Variants in GRIA4 observed in about 807,000 individuals in gnomAD.
GRIA4 encodes glutamate receptor 4.
A neutral mutation model predicts 104.0 loss-of-function variants in GRIA4; 34 were observed. That is an observed-to-expected ratio of 0.33 (90% CI 0.25 to 0.44). The LOEUF is 0.44. GRIA4 is among the 20% of genes least tolerant of loss of function. The pLI is 1.00. For missense variants in GRIA4, 750 were observed against 1,096.5 expected, an observed-to-expected ratio of 0.68 and a Z score of 4.46; for synonymous variants, 386 against 381.9, an observed-to-expected ratio of 1.01 and a Z score of -0.13.
At chr11:105,947,913 T>C (rs1948356550) in intron 14 of GRIA4, among the ~76,000 whole-genome samples, 1 of 152,198 alleles carries the variant, frequency 6.6e-6, no homozygotes, top group Non-Finnish European at 1.5e-5. Context: ...AGCAGCTTTG[T>C]ATCTTCACTT....
At chr11:105,788,302 T>C (rs1027580474) in intron 4 of GRIA4, among the ~76,000 whole-genome samples, 2 of 152,170 alleles carry the variant, frequency 1.3e-5, no homozygotes, top group African/African-American at 4.8e-5. Context: ...TTGGTGGAAA[T>C]GTAAATTAGT....
At chr11:105,632,208 T>C (rs552180190) in intron 3 of GRIA4, among the ~76,000 whole-genome samples, 1 of 152,150 alleles carries the variant, frequency 6.6e-6, no homozygotes, top group African/African-American at 2.4e-5. Context: ...GAAAGTGAAA[T>C]GGACTGAATT....
intron 3 of GRIA4, among the ~76,000 whole-genome samples, chr11:105,724,668 A>G (rs1257715232): frequency 6.6e-6 from 1 of 152,108 alleles, no homozygotes; most frequent in Non-Finnish European, 1.5e-5. Flanking sequence ...GGTGATAAGA[A>G]ATTACTTAAT....
chr11:105,895,634 A>G (rs2847180), intron 6 of GRIA4, among the ~76,000 whole-genome samples: 139,107 of 139,736 alleles, frequency 1, 69,242 homozygotes, highest in Middle Eastern at 1. Context: ...AGGGAGGGAG[A>G]GAGAGAGAGA....
chr11:105,964,768 C>CA (rs1948819577), intron 14 of GRIA4, among the ~76,000 whole-genome samples: 1 of 149,384 alleles, frequency 6.7e-6, no homozygotes, highest in African/African-American at 2.5e-5. Flanking sequence ...GTATGGGAGG[C>CA]AGAAGCCCAT....
At chr11:105,742,592 G>GTA (rs763334090) in intron 3 of GRIA4, among the ~76,000 whole-genome samples, 70 of 131,050 alleles carry the variant, frequency 5.3e-4, no homozygotes, top group African/African-American at 6.6e-4. Flanking sequence ...ACAAGTGTGA[G>GTA]TATATATATA....
chr11:105,791,355 T>C (rs1321577368), intron 4 of GRIA4, among the ~76,000 whole-genome samples: 1 of 152,242 alleles, frequency 6.6e-6, no homozygotes, highest in Non-Finnish European at 1.5e-5. Context: ...AAGTGTATTT[T>C]GTTGGTTGGT....
At chr11:105,795,997 T>C (rs1004392272) in intron 4 of GRIA4, among the ~76,000 whole-genome samples, 1 of 152,138 alleles carries the variant, frequency 6.6e-6, no homozygotes, top group Non-Finnish European at 1.5e-5. Flanking sequence ...CAGTCACAAA[T>C]GCCTGCAGAG....
intron 14 of GRIA4, among the ~76,000 whole-genome samples, chr11:105,937,181 C>T (rs552861231): frequency 4.2e-4 from 64 of 152,190 alleles, no homozygotes; most frequent in African/African-American, 1.4e-3. Flanking sequence ...TTAAAATATA[C>T]AGTTTCGATG....
At chr11:105,825,295 G>T (rs1371321879) in intron 4 of GRIA4, among the ~76,000 whole-genome samples, 1 of 152,028 alleles carries the variant, frequency 6.6e-6, no homozygotes, top group Non-Finnish European at 1.5e-5. Flanking sequence ...CAGTCCAGGG[G>T]ACATCACTGG....
At position 105,939,559 on chromosome 11, in the gene GRIA4, A is replaced by G. The variant is rs183943059; in HGVS notation, c.2294+5590A>G. ...CATATTTAAATTCTCCCAGAAAGAT[A>G]TTTTTTTTGTTTCTGCTGTGCATAC... On this transcript the variant is annotated intron_variant, in intron 14 of 16. Coordinates refer to ENST00000282499, the MANE Select transcript of GRIA4 (RefSeq NM_000829.4). 9.2e-5 allele frequency among the ~76,000 whole-genome samples: 14 copies of G among 151,980 alleles called. 1 individual carries two copies. In the East Asian group the frequency reaches 2.7e-3, roughly 29 times the overall value.
rs150074430 is a variant in GRIA4, at chr11:105,859,658, T to C, written c.488-2366T>C. On this transcript the variant is annotated intron_variant, in intron 4 of 16. Coordinates refer to ENST00000282499, the MANE Select transcript of GRIA4 (RefSeq NM_000829.4). ...ATATTTAGAGTATCGTGCCAAGCTG[T>C]GAATTAAGCCCAGGGAGAAGACTAT... Among the ~76,000 whole-genome samples, 343 of 152,224 alleles carry C rather than the reference T, an allele frequency of 2.3e-3. 2 individuals carry two copies. Among genetic ancestry groups the C allele is most frequent in the African/African-American group, 8.1e-3 (335 of 41,542 alleles).
At chr11:105,808,950 T>C in intron 4 of GRIA4, among the ~76,000 whole-genome samples, 1 of 152,054 alleles carries the variant, frequency 6.6e-6, no homozygotes, top group East Asian at 1.9e-4. Flanking sequence ...CAAATAAAAA[T>C]GCAGTTAGGT....
chr11:105,920,196 GT>G (rs1317613017), intron 11 of GRIA4, among the ~76,000 whole-genome samples: 3 of 151,976 alleles, frequency 2.0e-5, no homozygotes, highest in Non-Finnish European at 4.4e-5. Flanking sequence ...GACTGCTTAG[GT>G]GACCCTAAAT....
At chr11:105,874,098 G>A (rs1225192294) in intron 5 of GRIA4, among the ~76,000 whole-genome samples, 1 of 152,112 alleles carries the variant, frequency 6.6e-6, no homozygotes, top group African/African-American at 2.4e-5. Context: ...TTTGTATAAG[G>A]TGTACAAAAG....
chr11:105,766,674 A>G (rs1460865156), intron 4 of GRIA4, among the ~76,000 whole-genome samples: 4 of 152,144 alleles, frequency 2.6e-5, no homozygotes, highest in Admixed American at 2.0e-4. Context: ...CTGGATTGTT[A>G]GCAGGTTTCT....
intron 4 of GRIA4, among the ~76,000 whole-genome samples, chr11:105,769,977 T>C (rs528018198): frequency 1.3e-5 from 2 of 152,176 alleles, no homozygotes; most frequent in Admixed American, 1.3e-4. Context: ...AACTCATGGA[T>C]TTCTACACCT....
At chr11:105,917,665 G>A (rs1278208246) in intron 10 of GRIA4, among the ~76,000 whole-genome samples, 1 of 152,082 alleles carries the variant, frequency 6.6e-6, no homozygotes, top group Non-Finnish European at 1.5e-5. Flanking sequence ...GCAAATGACT[G>A]GAAAAACTCA....
At chr11:105,643,580 T>TAGGAGTTAGTCTCCTACAACAGTAGG (rs1951432569) in intron 3 of GRIA4, among the ~76,000 whole-genome samples, 1 of 152,186 alleles carries the variant, frequency 6.6e-6, no homozygotes, top group South Asian at 2.1e-4. Context: ...CCTACAACAG[T>TAGGAGTTAGTCTCCTACAACAGTAGG]AATGGTGAGA....
Sources: allele counts gnomAD v4.1 joint callset (sites outside exome capture counted in the v4.1 genomes callset), GRCh38; gene constraint gnomAD v4.1.1; transcripts MANE v1.5; gene names NCBI Gene and HGNC (gene_info 2026-07-23, HGNC 2026-07-21).